WWOX: variants seen among roughly 807,000 people sequenced by gnomAD.
WWOX encodes WW domain-containing oxidoreductase.
Under a neutral mutation model 46.2 loss-of-function variants are expected in WWOX, and 69 were observed. The observed-to-expected ratio is 1.49, with a 90% CI of 1.23 to 1.82. The LOEUF (loss-of-function observed/expected upper bound fraction) is 1.82, where lower values mean the gene tolerates loss of function less well. WWOX is among the 40% of genes most tolerant of loss of function. The probability of loss-of-function intolerance (pLI) is 0.00; values close to 1 mark genes in which losing one functional copy is unlikely to be tolerated. For missense variants in WWOX, 919 were observed against 542.6 expected (o/e 1.69, Z -6.89); for synonymous variants, 359 against 202.6 (o/e 1.77, Z -6.56).
At chr16:78,724,513 G>A (rs1348910247) in intron 8 of WWOX, among the ~76,000 whole-genome samples, 1 of 152,026 alleles carries the variant, frequency 6.6e-6, no homozygotes, top group African/African-American at 2.4e-5. Context: ...TATTATTATA[G>A]TTCTTTATCG....
At chr16:78,948,763 C>G (rs575117605) in intron 8 of WWOX, among the ~76,000 whole-genome samples, 2 of 152,038 alleles carry the variant, frequency 1.3e-5, no homozygotes, top group South Asian at 4.2e-4. Context: ...GGTGGTGTTA[C>G]GTAACATGAC....
At chr16:78,523,710 C>G (rs1186781149) in intron 8 of WWOX, among the ~76,000 whole-genome samples, 1 of 152,134 alleles carries the variant, frequency 6.6e-6, no homozygotes, top group East Asian at 1.9e-4. Context: ...GTCATGCTTC[C>G]CTGTTGAAAG....
chr16:78,597,996 C>G (rs531191317), intron 8 of WWOX, among the ~76,000 whole-genome samples: 19 of 152,126 alleles, frequency 1.2e-4, no homozygotes, highest in Non-Finnish European at 1.9e-4. Context: ...TTTTCAGCCT[C>G]TGCTTATTAG....
At chr16:78,999,599 G>A (rs1332710316) in intron 8 of WWOX, among the ~76,000 whole-genome samples, 1 of 152,204 alleles carries the variant, frequency 6.6e-6, no homozygotes, top group Non-Finnish European at 1.5e-5. Flanking sequence ...TTCATGTGAA[G>A]AAATTTTAGG....
At chr16:78,688,081 A>G (rs570660391) in intron 8 of WWOX, among the ~76,000 whole-genome samples, 4 of 147,672 alleles carry the variant, frequency 2.7e-5, no homozygotes, top group African/African-American at 7.6e-5. Context: ...CCACAATTCA[A>G]ATTCACAGAC....
intron 8 of WWOX, among the ~76,000 whole-genome samples, chr16:79,132,434 T>C (rs2049899129): frequency 6.6e-6 from 1 of 152,172 alleles, no homozygotes. Context: ...CAGCCAGTGT[T>C]ACAGAAATAG....
chr16:78,782,111 A>C (rs2050342775), intron 8 of WWOX, among the ~76,000 whole-genome samples: 1 of 152,050 alleles, frequency 6.6e-6, no homozygotes, highest in Non-Finnish European at 1.5e-5. Context: ...TTGGCAGCAA[A>C]TGTAAATCAC....
At chr16:78,596,742 G>C (rs1406180447) in intron 8 of WWOX, among the ~76,000 whole-genome samples, 3 of 152,152 alleles carry the variant, frequency 2.0e-5, no homozygotes, top group Non-Finnish European at 4.4e-5. Flanking sequence ...CTTTCATTAA[G>C]TGAACGAAGG....
chr16:78,901,055 C>T (rs991405932), intron 8 of WWOX, among the ~76,000 whole-genome samples: 1 of 152,276 alleles, frequency 6.6e-6, no homozygotes, highest in East Asian at 1.9e-4. Flanking sequence ...TCAGACCCAA[C>T]CCTTGTATCA....
Position 78,843,408 on chromosome 16 carries a change from C to T in WWOX, c.1057-368200C>T, listed in dbSNP as rs117359688. On this transcript the variant is annotated intron_variant, in intron 8 of 8. Coordinates refer to ENST00000566780, the MANE Select transcript of WWOX (RefSeq NM_016373.4). ...TTTGTTGACTTAACAAAGCCAATCGCCCATTCCTATGCTGCTAAGATGCGA... is the reference window on the plus strand; with the variant it reads ...TTTGTTGACTTAACAAAGCCAATCGTCCATTCCTATGCTGCTAAGATGCGA... 5.7e-4 allele frequency among the ~76,000 whole-genome samples: 85 copies of T among 150,054 alleles called. 2 individuals carry two copies. The East Asian group carries it at 0.016, about 28-fold the overall frequency.
intron 5 of WWOX, among the ~76,000 whole-genome samples, chr16:78,331,420 G>GATT (rs1391052988): frequency 6.6e-6 from 1 of 152,230 alleles, no homozygotes; most frequent in African/African-American, 2.4e-5. Context: ...TTCTAATACA[G>GATT]ATTACTTCAT....
chr16:78,564,894 C>G (rs560768487), intron 8 of WWOX, among the ~76,000 whole-genome samples: 13 of 152,074 alleles, frequency 8.5e-5, no homozygotes, highest in African/African-American at 2.4e-4. Flanking sequence ...TGACTCTTCT[C>G]TAGTTTTTAT....
chr16:78,286,600 TC>T (rs1011922161), intron 5 of WWOX, among the ~76,000 whole-genome samples: 3 of 152,146 alleles, frequency 2.0e-5, no homozygotes, highest in African/African-American at 7.2e-5. Context: ...ATTTTTTTTT[TC>T]CCCTAAGAAA....
intron 8 of WWOX, among the ~76,000 whole-genome samples, chr16:78,473,860 C>G (rs921442805): frequency 6.6e-6 from 1 of 152,198 alleles, no homozygotes; most frequent in African/African-American, 2.4e-5. Context: ...CTAGTCCTTG[C>G]AGCACACACG....
At chr16:78,463,569 T>C (rs555561693) in intron 8 of WWOX, among the ~76,000 whole-genome samples, 2 of 152,246 alleles carry the variant, frequency 1.3e-5, no homozygotes, top group Admixed American at 6.5e-5. Flanking sequence ...GGATGCATAG[T>C]AGAGAAAAAT....
chr16:78,546,988 C>G (rs2044048728), intron 8 of WWOX, among the ~76,000 whole-genome samples: 1 of 151,792 alleles, frequency 6.6e-6, no homozygotes, highest in Non-Finnish European at 1.5e-5. Context: ...ATTAGCTGGG[C>G]ATGGTAGTGC....
intron 5 of WWOX, among the ~76,000 whole-genome samples, chr16:78,316,810 A>G (rs2080365139): frequency 6.6e-6 from 1 of 152,118 alleles, no homozygotes. Flanking sequence ...TAGCTCTAGT[A>G]TTTTTCAATG....
chr16:79,099,382 A>C (rs915170962), intron 8 of WWOX, among the ~76,000 whole-genome samples: 1 of 152,214 alleles, frequency 6.6e-6, no homozygotes, highest in African/African-American at 2.4e-5. Flanking sequence ...CGTGACAATT[A>C]GCCTTACTGC....
intron 8 of WWOX, among the ~76,000 whole-genome samples, chr16:78,725,056 G>A (rs1028978359): frequency 1.5e-4 from 23 of 152,084 alleles, no homozygotes; most frequent in African/African-American, 5.3e-4. Context: ...TGTTGTGGGA[G>A]GGACCGGGTG....
Sources: allele counts gnomAD v4.1 joint callset (sites outside exome capture counted in the v4.1 genomes callset), GRCh38; gene constraint gnomAD v4.1.1; transcripts MANE v1.5; gene names NCBI Gene and HGNC (gene_info 2026-07-23, HGNC 2026-07-21).